The following EDIL3 variants were observed in gnomAD, a reference collection of about 807,000 sequenced individuals.
The protein encoded by EDIL3 is EGF like and discoidin domains 3.
A neutral mutation model predicts 67.4 loss-of-function variants in EDIL3; 37 were observed. The ratio of observed to expected loss-of-function variants is 0.55; its 90% CI spans 0.42 to 0.72. The LOEUF (loss-of-function observed/expected upper bound fraction) is 0.72, where lower values mean the gene tolerates loss of function less well. Among genes scored for constraint, EDIL3 ranks in the 30% least tolerant of loss-of-function variants. The pLI, the probability that EDIL3 is intolerant of heterozygous loss-of-function variation, is 0.00. For missense variants in EDIL3, 527 were observed against 586.3 expected (o/e 0.90, Z 1.04); for synonymous variants, 195 against 196.3 (o/e 0.99, Z 0.05).
intron 9 of EDIL3, among the ~76,000 whole-genome samples, chr5:84,002,195 A>G (rs963893506): frequency 6.6e-6 from 1 of 152,190 alleles, no homozygotes; most frequent in African/African-American, 2.4e-5. Context: ...GATTAGTTCA[A>G]TTAATGCTAA....
intron 4 of EDIL3, among the ~76,000 whole-genome samples, chr5:84,176,548 G>A (rs908950945): frequency 6.6e-6 from 1 of 151,154 alleles, no homozygotes; most frequent in Non-Finnish European, 1.5e-5. Context: ...AGGAGTTCTG[G>A]GAGTGAAGAA....
At chr5:84,248,942 T>G (rs1397483797) in intron 2 of EDIL3, among the ~76,000 whole-genome samples, 1 of 152,174 alleles carries the variant, frequency 6.6e-6, no homozygotes, top group Non-Finnish European at 1.5e-5. Flanking sequence ...TGTATTTTGC[T>G]GTAATTTGTT....
Position 84,171,428 on chromosome 5 carries a change from A to G in EDIL3, c.355+8965T>C, listed in dbSNP as rs114518657. Among the ~76,000 whole-genome samples the G allele has an allele frequency of 1.2e-3, 179 of 152,288 alleles. 1 individual carries two copies. The highest frequency in any genetic ancestry group is 1.4e-3 in the South Asian group (7 of 4,828). The stretch of plus-strand genomic sequence containing the variant: ...TCCAGCCAAAGGAGAAAAACAAGAA[A>G]ATAAAAATGCCTTGGAACTCTGGCT... On this transcript the variant is annotated intron_variant, in intron 4 of 10. Transcript: ENST00000296591.
At chr5:84,197,609 A>G (rs1743739270) in intron 3 of EDIL3, among the ~76,000 whole-genome samples, 1 of 151,836 alleles carries the variant, frequency 6.6e-6, no homozygotes, top group Admixed American at 6.6e-5. Flanking sequence ...CAGTGAGCTG[A>G]GATCATGCCA....
At chr5:84,036,566 C>T (rs999479893) in intron 9 of EDIL3, among the ~76,000 whole-genome samples, 4 of 152,046 alleles carry the variant, frequency 2.6e-5, no homozygotes, top group Non-Finnish European at 5.9e-5. Flanking sequence ...TGTTGAAGCC[C>T]AGTAGTACCT....
At chr5:84,141,628 T>C (rs1186828127) in intron 4 of EDIL3, among the ~76,000 whole-genome samples, 55 of 148,406 alleles carry the variant, frequency 3.7e-4, no homozygotes, top group Non-Finnish European at 1.5e-5. Context: ...AAAAGGTAAA[T>C]AGTTGAATTT....
chr5:84,139,985 A>T (rs1748160963), intron 4 of EDIL3, among the ~76,000 whole-genome samples: 2 of 152,268 alleles, frequency 1.3e-5, no homozygotes, highest in South Asian at 4.1e-4. Flanking sequence ...GAGAATGTAG[A>T]TAGGGAACAG....
chr5:84,218,219 G>A (rs942400317), intron 3 of EDIL3, among the ~76,000 whole-genome samples: 3 of 152,138 alleles, frequency 2.0e-5, no homozygotes, highest in African/African-American at 7.2e-5. Flanking sequence ...TGTTTTGGCT[G>A]TATGTCATTC....
At chr5:84,296,046 C>G (rs1409244957) in intron 1 of EDIL3, among the ~76,000 whole-genome samples, 4 of 152,030 alleles carry the variant, frequency 2.6e-5, no homozygotes, top group Admixed American at 2.0e-4. Context: ...GAGTTACTAT[C>G]TCTATTTGTT....
At chr5:84,359,993 T>C (rs1747564106) in intron 1 of EDIL3, among the ~76,000 whole-genome samples, 2 of 152,226 alleles carry the variant, frequency 1.3e-5, no homozygotes, top group African/African-American at 4.8e-5. Context: ...TATTCTCATA[T>C]CATACTTTTT....
intron 1 of EDIL3, among the ~76,000 whole-genome samples, chr5:84,294,574 AC>A (rs146476767): frequency 5.8e-4 from 89 of 152,208 alleles, no homozygotes; most frequent in African/African-American, 2.1e-3. Flanking sequence ...ATATATACAT[AC>A]ATGTTTATCA....
At position 84,113,811 on chromosome 5, in the gene EDIL3, C is replaced by T. The variant is rs1240183494; in HGVS notation, c.470-6981G>A. On this transcript the variant is annotated intron_variant, in intron 5 of 10. Coordinates refer to ENST00000296591, the MANE Select transcript of EDIL3 (RefSeq NM_005711.5). ...GAATGAAAGGATTTCAAATTAAAAC[C>T]ATGTAAGAAACAAATCTCCTTTAAA... Among the ~76,000 whole-genome samples, 3 of 152,164 alleles carry T rather than the reference C, an allele frequency of 2.0e-5. No homozygotes were observed. The East Asian group carries it at 5.8e-4, about 29-fold the overall frequency.
At chr5:84,202,194 TATC>T (rs1242978696) in intron 3 of EDIL3, among the ~76,000 whole-genome samples, 1 of 152,188 alleles carries the variant, frequency 6.6e-6, no homozygotes, top group African/African-American at 2.4e-5. Flanking sequence ...GTTTGTAATT[TATC>T]ATGTTTTCTT....
chr5:84,146,432 C>G (rs561530063), intron 4 of EDIL3, among the ~76,000 whole-genome samples: 43 of 152,146 alleles, frequency 2.8e-4, no homozygotes, highest in African/African-American at 9.9e-4. Flanking sequence ...TTCTTACCAG[C>G]CTTCAAGGTA....
intron 3 of EDIL3, among the ~76,000 whole-genome samples, chr5:84,226,240 C>T (rs188507099): frequency 1.3e-5 from 2 of 151,552 alleles, no homozygotes; most frequent in East Asian, 1.9e-4. Context: ...AAGAGGACCA[C>T]AAAAATAAAT....
intron 1 of EDIL3, among the ~76,000 whole-genome samples, chr5:84,306,334 T>C (rs1746276290): frequency 6.6e-6 from 1 of 152,232 alleles, no homozygotes; most frequent in Non-Finnish European, 1.5e-5. Context: ...ATTTGGTTAA[T>C]TTTAGAAAAA....
chr5:84,010,552 G>A (rs1044196298), intron 9 of EDIL3, among the ~76,000 whole-genome samples: 1 of 151,956 alleles, frequency 6.6e-6, no homozygotes, highest in Non-Finnish European at 1.5e-5. Context: ...TTTTATAAAT[G>A]TAAGGTACAG....
intron 5 of EDIL3, among the ~76,000 whole-genome samples, chr5:84,116,631 T>C (rs148815951): frequency 8.3e-4 from 127 of 152,320 alleles, no homozygotes; most frequent in Middle Eastern, 3.4e-3. Flanking sequence ...TATTTACTAA[T>C]TGAACCTTCC....
intron 9 of EDIL3, among the ~76,000 whole-genome samples, chr5:84,038,378 C>T (rs1387551352): frequency 1.3e-5 from 2 of 152,122 alleles, no homozygotes; most frequent in East Asian, 3.9e-4. Context: ...GGTGTGCTTG[C>T]TCTACAAACA....
Sources: gnomAD v4.1 joint callset for allele counts (sites outside exome capture counted in the v4.1 genomes callset) on GRCh38, gnomAD v4.1.1 for gene constraint, MANE v1.5 for transcripts, NCBI Gene and HGNC (gene_info 2026-07-23, HGNC 2026-07-21) for gene names.